SLC7A14: variants seen among roughly 807,000 people sequenced by gnomAD.
SLC7A14 encodes the protein gamma-aminobutyric acid transporter SLC7A14.
SLC7A14 carries 37 observed loss-of-function variants against 60.2 expected under a neutral mutation model. That is an observed-to-expected ratio of 0.61 (90% CI 0.47 to 0.81). SLC7A14 has a LOEUF of 0.81. Ranked by LOEUF, SLC7A14 falls within the 30% of genes least tolerant of loss-of-function variation. The probability of loss-of-function intolerance (pLI) is 0.00; values close to 1 mark genes in which losing one functional copy is unlikely to be tolerated. For synonymous variants in SLC7A14, 399 were observed against 395.8 expected, an observed-to-expected ratio of 1.01 and a Z score of -0.10; for missense variants, 886 against 982.7, an observed-to-expected ratio of 0.90 and a Z score of 1.32.
chr3:170,568,640 G>A (rs947995833), intron 1 of SLC7A14, among the ~76,000 whole-genome samples: 11 of 152,314 alleles, frequency 7.2e-5, no homozygotes, highest in African/African-American at 2.6e-4. Flanking sequence ...TTCTACCCAT[G>A]AGCATGGAAT....
chr3:170,552,177 C>T (rs1046382444), intron 1 of SLC7A14, among the ~76,000 whole-genome samples: 2 of 151,994 alleles, frequency 1.3e-5, no homozygotes, highest in African/African-American at 4.8e-5. Flanking sequence ...CTGATCTTTT[C>T]CCTACTGAAT....
At chr3:170,533,262 G>A (rs1208622801) in intron 1 of SLC7A14, among the ~76,000 whole-genome samples, 2 of 152,078 alleles carry the variant, frequency 1.3e-5, no homozygotes, top group Non-Finnish European at 2.9e-5. Flanking sequence ...TTTATACTAC[G>A]TGGCCAGGTA....
intron 4 of SLC7A14, chr3:170,495,767 A>G (rs1227942580): frequency 8.5e-6 from 10 of 1,174,446 alleles, no homozygotes; most frequent in South Asian, 1.2e-5. Context: ...TCGACAAGGT[A>G]CGGTTCCTGC....
intron 2 of SLC7A14, among the ~76,000 whole-genome samples, chr3:170,507,632 G>C (rs1338666277): frequency 6.6e-6 from 1 of 152,212 alleles, no homozygotes; most frequent in Non-Finnish European, 1.5e-5. Context: ...AGCCTGCAGA[G>C]GTGGACTGAG....
At position 170,462,071 on chromosome 3, in the gene SLC7A14, A is replaced by G. The variant is rs1255365066; in HGVS notation, c.*4984T>C. 6.6e-6 allele frequency: 1 copy of G among 152,310 alleles called. No homozygotes were observed. Among genetic ancestry groups the G allele is most frequent in the Non-Finnish European group, 1.5e-5 (1 of 68,116 alleles). 9.4% of individuals were successfully genotyped at this position (152,310 alleles called of 1,614,324 possible). A position where few individuals can be genotyped will look rare whatever the true frequency, so the allele number is the denominator to read the frequency against. ...GCAGACCCCCGCTCTGGCTTCAGAC[A>G]CATTTCCTGAGTTCTGACTTTTCCA... On this transcript the variant is annotated 3_prime_UTR_variant, in exon 8 of 8. Transcript: ENST00000231706.
intron 4 of SLC7A14, among the ~76,000 whole-genome samples, chr3:170,492,770 A>AT (rs1415506664): frequency 6.6e-6 from 1 of 152,224 alleles, no homozygotes; most frequent in Non-Finnish European, 1.5e-5. Context: ...AGGCATTCAG[A>AT]TGAGGCAGCC....
chr3:170,544,749 C>T (rs755887464), intron 1 of SLC7A14, among the ~76,000 whole-genome samples: 2 of 152,184 alleles, frequency 1.3e-5, no homozygotes, highest in Admixed American at 6.5e-5. Context: ...TATATTCTAA[C>T]AACAACCCTG....
At chr3:170,473,324 A>C (rs962810764) in intron 7 of SLC7A14, among the ~76,000 whole-genome samples, 1 of 152,220 alleles carries the variant, frequency 6.6e-6, no homozygotes, top group Non-Finnish European at 1.5e-5. Context: ...TGAGTAATGC[A>C]AACAATAACA....
chr3:170,512,797 G>A (rs1713028893), intron 2 of SLC7A14, among the ~76,000 whole-genome samples: 1 of 150,198 alleles, frequency 6.7e-6, no homozygotes, highest in African/African-American at 2.4e-5. Context: ...CCAAGTAGCT[G>A]GGACTACAGG....
chr3:170,574,775 A>T (rs1044548671), intron 1 of SLC7A14, among the ~76,000 whole-genome samples: 1 of 152,200 alleles, frequency 6.6e-6, no homozygotes, highest in African/African-American at 2.4e-5. Flanking sequence ...AGGGAGCCTG[A>T]GAGTGGGAAA....
In SLC7A14 at chr3:170,488,853, C is replaced by T. The variant is rs551968704; in HGVS notation, c.760-2485G>A. Among the ~76,000 whole-genome samples, 71 of 152,134 alleles carry T rather than the reference C, an allele frequency of 4.7e-4. 2 individuals carry two copies. In the South Asian group the frequency reaches 0.014, roughly 29 times the overall value. ...CCAATAAAAACAGAGTTATTCTACA[C>T]GTTCAAGTCCTTTGTGGAAATAAGC... On this transcript the variant is annotated intron_variant, in intron 4 of 7. Transcript: ENST00000231706.
intron 7 of SLC7A14, 72 bp from the exon 8 acceptor site, chr3:170,467,449 C>CTGAAGGTGATCT: frequency 1.7e-6 from 2 of 1,174,070 alleles, no homozygotes; most frequent in Non-Finnish European, 2.2e-6. Context: ...AGAGAGATCA[C>CTGAAGGTGATCT]CTTCAGTGAT....
chr3:170,504,770 C>A (rs971149316), intron 2 of SLC7A14, among the ~76,000 whole-genome samples: 1 of 152,006 alleles, frequency 6.6e-6, no homozygotes, highest in African/African-American at 2.4e-5. Context: ...CAGCTAAAGT[C>A]AACTCTTAAT....
chr3:170,501,469 A>G (rs1054577131), intron 2 of SLC7A14, 124 bp from the exon 3 acceptor site: 1 of 774,582 alleles, frequency 1.3e-6, no homozygotes, highest in Non-Finnish European at 2.1e-6. Flanking sequence ...ACAAAGTTTT[A>G]TGTATATGAA....
Position 170,535,347 on chromosome 3 carries a change from G to A in SLC7A14, c.-152-8259C>T, listed in dbSNP as rs1315340051. Reference sequence around the variant, plus strand: ...AAGGGACAAATAATACCAAAAACCAGTTAATCCTTCTATGCCACCATAAAA... The same window carrying A: ...AAGGGACAAATAATACCAAAAACCAATTAATCCTTCTATGCCACCATAAAA... On this transcript the variant is annotated intron_variant, in intron 1 of 7. Transcript: ENST00000231706. This position sits in a 1 kb window ranked among gnomAD's most constrained non-coding sequence, Gnocchi z 4.3. 1.3e-5 allele frequency among the ~76,000 whole-genome samples: 2 copies of A among 152,056 alleles called. No homozygotes were observed. Among genetic ancestry groups the A allele is most frequent in the South Asian group, 4.1e-4 (2 of 4,822 alleles).
At chr3:170,500,971 G>T in intron 3 of SLC7A14, 138 bp downstream of exon 3, 1 of 740,940 alleles carries the variant, frequency 1.3e-6, no homozygotes. Context: ...CATAGAGAAA[G>T]AATTACTTTG....
intron 2 of SLC7A14, among the ~76,000 whole-genome samples, chr3:170,512,149 A>C (rs530912140): frequency 1.3e-5 from 2 of 152,212 alleles, no homozygotes; most frequent in African/African-American, 4.8e-5. Flanking sequence ...CAGATCTCAG[A>C]AGATTCTGTG....
Position 170,585,700 on chromosome 3 carries a change from A to G in SLC7A14, c.-153+211T>C, listed in dbSNP as rs1052886029. Among the ~76,000 whole-genome samples the G allele has an allele frequency of 1.9e-4, 29 of 151,786 alleles. No individual in the cohort carries two copies. The highest frequency in any genetic ancestry group is 3.2e-4 in the Non-Finnish European group (22 of 67,950). ...GGCCTCATTCCGGGCCAGAGCAGGA[A>G]AGAGCCCGACCCACCTCCTCGGTTC... On this transcript the variant is annotated intron_variant, in intron 1 of 7. Coordinates refer to ENST00000231706, the MANE Select transcript of SLC7A14 (RefSeq NM_020949.3). The surrounding 1 kb of genome is among the most constrained non-coding windows in gnomAD (Gnocchi z 5.1).
At chr3:170,500,020 G>C (rs1176205084) in intron 3 of SLC7A14, among the ~76,000 whole-genome samples, 1 of 152,108 alleles carries the variant, frequency 6.6e-6, no homozygotes, top group Non-Finnish European at 1.5e-5. Flanking sequence ...CAGTTCTTTT[G>C]ATATAGGAAT....
Sources: gnomAD v4.1 joint callset for allele counts (sites outside exome capture counted in the v4.1 genomes callset) on GRCh38, gnomAD v4.1.1 for gene constraint, Gnocchi (gnomAD v3.1) non-coding constraint, MANE v1.5 for transcripts, NCBI Gene and HGNC (gene_info 2026-07-23, HGNC 2026-07-21) for gene names.